Variants in MAP3K2 observed in about 807,000 individuals in gnomAD.
MAP3K2 encodes MAP/ERK kinase kinase 2.
MAP3K2 carries 24 observed loss-of-function variants against 80.3 expected under a neutral mutation model. That is an observed-to-expected ratio of 0.30 (90% CI 0.22 to 0.42). The LOEUF is 0.42. MAP3K2 is among the 10% of genes least tolerant of loss of function. MAP3K2 has a pLI of 1.00. For missense variants in MAP3K2, 608 were observed against 750.1 expected, an observed-to-expected ratio of 0.81 and a Z score of 2.21; for synonymous variants, 244 against 253.7, an observed-to-expected ratio of 0.96 and a Z score of 0.36.
chr2:127,387,422 A>ACACACACACC, intron 1 of MAP3K2, 30 bp downstream of exon 1: 1 of 940,796 alleles, frequency 1.1e-6, no homozygotes, highest in Non-Finnish European at 1.3e-6. Flanking sequence ...ACACACACAC[A>ACACACACACC]AGCGCGCGCG....
At chr2:127,388,078 G>A (rs1687411738), upstream of MAP3K2, 2 of 983,996 alleles carry the variant, frequency 2.0e-6, no homozygotes, top group African/African-American at 1.8e-5. Context: ...CGGCCCAGGG[G>A]AGTGGGTCGG....
chr2:127,332,154 G>C (rs1472329805), intron 5 of MAP3K2, among the ~76,000 whole-genome samples: 1 of 152,086 alleles, frequency 6.6e-6, no homozygotes, highest in Non-Finnish European at 1.5e-5. Context: ...CTGATCTACT[G>C]ATCTACTTAA....
rs188969496 is a variant in MAP3K2, at chr2:127,335,369, C to T, written c.264+501G>A. On this transcript the variant is annotated intron_variant, in intron 5 of 16. Transcript: ENST00000682094. Reference sequence around the variant, plus strand: ...ATCACTGAATCCAATCCTAAGTTTACAGAACATTAAAAAGGGGTTTCTCCA... The same window carrying T: ...ATCACTGAATCCAATCCTAAGTTTATAGAACATTAAAAAGGGGTTTCTCCA... 6.6e-5 allele frequency among the ~76,000 whole-genome samples: 10 copies of T among 152,236 alleles called. No homozygotes were observed. The East Asian group carries it at 1.3e-3, about 21-fold the overall frequency.
intron 1 of MAP3K2, among the ~76,000 whole-genome samples, chr2:127,346,410 T>TAAAAAAAAA (rs70985447): frequency 2.2e-4 from 21 of 96,312 alleles, no homozygotes; most frequent in Admixed American, 4.6e-4. Context: ...AAACTGGTTT[T>TAAAAAAAAA]AAAAAAAAAA....
rs557269738 is a variant in MAP3K2, at chr2:127,356,335, T to C, written c.-65-13141A>G. On this transcript the variant is annotated intron_variant, in intron 1 of 16. Transcript: ENST00000682094. ...GCAGCTATAGCCTTACAAAATGCAT[T>C]TCTTTTTCTTTTTTTAGTTTCGCAG... Among the ~76,000 whole-genome samples the C allele has an allele frequency of 7.1e-4, 108 of 152,260 alleles. No homozygotes were observed. In the South Asian group the frequency reaches 0.014, roughly 20 times the overall value.
At chr2:127,337,618 C>G in intron 4 of MAP3K2, 120 bp downstream of exon 4, 1 of 630,078 alleles carries the variant, frequency 1.6e-6, no homozygotes, top group South Asian at 2.0e-5. Context: ...AAGGACTACT[C>G]TATTCTCAAT....
At chr2:127,330,357 A>G (rs940779451) in intron 6 of MAP3K2, 35 bp downstream of exon 6, 4 of 1,067,514 alleles carry the variant, frequency 3.7e-6, no homozygotes, top group Non-Finnish European at 5.6e-6. Flanking sequence ...CCTAAGTCCT[A>G]TAATTCTTAC....
intron 1 of MAP3K2, among the ~76,000 whole-genome samples, chr2:127,366,400 A>C (rs1169732828): frequency 6.6e-6 from 1 of 151,038 alleles, no homozygotes; most frequent in African/African-American, 2.4e-5. Context: ...AAAAAAAAAA[A>C]CCCAACAAAA....
At chr2:127,333,360 C>T (rs1686299932) in intron 5 of MAP3K2, among the ~76,000 whole-genome samples, 1 of 151,908 alleles carries the variant, frequency 6.6e-6, no homozygotes, top group South Asian at 2.1e-4. Context: ...GCTTATATTT[C>T]CAGCTTAAAT....
intron 1 of MAP3K2, among the ~76,000 whole-genome samples, chr2:127,374,604 AAC>A (rs747449502): frequency 1.2e-4 from 18 of 152,382 alleles, no homozygotes; most frequent in South Asian, 2.1e-4. Flanking sequence ...AGTTTTGGCA[AAC>A]AGATGTTACA....
intron 1 of MAP3K2, among the ~76,000 whole-genome samples, chr2:127,366,877 T>TG (rs1262389471): frequency 2.1e-5 from 3 of 140,488 alleles, no homozygotes; most frequent in East Asian, 2.1e-4. Context: ...TTTTTTTTTT[T>TG]TTTTTTTTTT....
intron 1 of MAP3K2, among the ~76,000 whole-genome samples, chr2:127,349,311 T>A (rs750154626): frequency 2.0e-5 from 3 of 152,056 alleles, no homozygotes; most frequent in Non-Finnish European, 4.4e-5. Context: ...CAGGTACGCA[T>A]CATGCCTGGC....
At chr2:127,341,118 T>C (rs959797565) in intron 2 of MAP3K2, among the ~76,000 whole-genome samples, 3 of 151,642 alleles carry the variant, frequency 2.0e-5, no homozygotes, top group Admixed American at 6.6e-5. Context: ...GCCTCCCGAG[T>C]AGCTGGGACT....
intron 15 of MAP3K2, among the ~76,000 whole-genome samples, chr2:127,311,614 G>A (rs934142318): frequency 1.3e-5 from 2 of 152,006 alleles, no homozygotes; most frequent in African/African-American, 4.8e-5. Context: ...GGACAATCCT[G>A]CCCCAGCCAT....
In MAP3K2 at chr2:127,337,794, A is replaced by T. The variant is rs1686402049; in HGVS notation, c.124-16T>A. Reference sequence around the variant, plus strand: ...GGACATCATTCTGTAATGAAATGACAAATCAGTCTTTCAGAGATTAGACAG... The same window carrying T: ...GGACATCATTCTGTAATGAAATGACTAATCAGTCTTTCAGAGATTAGACAG... On this transcript the variant is annotated splice_polypyrimidine_tract_variant and intron_variant, in intron 3 of 16. Coordinates refer to ENST00000682094, the MANE Select transcript of MAP3K2 (RefSeq NM_001371910.2). The T allele has an allele frequency of 1.2e-5, 18 of 1,484,872 alleles. No homozygotes were observed. Among genetic ancestry groups the T allele is most frequent in the Non-Finnish European group, 1.6e-5 (18 of 1,092,988 alleles). The allele number at this position is 1,484,872 out of a possible 1,614,324, so 92.0% of individuals were successfully genotyped here. A position where few individuals can be genotyped will look rare whatever the true frequency, so the allele number is the denominator to read the frequency against.
At chr2:127,341,765 C>T (rs1241576870) in intron 2 of MAP3K2, among the ~76,000 whole-genome samples, 2 of 151,876 alleles carry the variant, frequency 1.3e-5, no homozygotes, top group Non-Finnish European at 2.9e-5. Flanking sequence ...ATCTCCTGAC[C>T]TCGTGATCCA....
chr2:127,336,358 G>A (rs1443861057), intron 4 of MAP3K2, among the ~76,000 whole-genome samples: 4 of 152,030 alleles, frequency 2.6e-5, no homozygotes, highest in Non-Finnish European at 5.9e-5. Context: ...TGTTCTCCAG[G>A]GATTCAAATT....
chr2:127,336,101 C>A, intron 4 of MAP3K2, 132 bp from the exon 5 acceptor site: 1 of 531,788 alleles, frequency 1.9e-6, no homozygotes, highest in Non-Finnish European at 3.4e-6. Context: ...CTTAACACTA[C>A]AACAGCACAT....
intron 1 of MAP3K2, among the ~76,000 whole-genome samples, chr2:127,370,581 A>C (rs1687045629): frequency 1.3e-5 from 2 of 152,224 alleles, no homozygotes; most frequent in African/African-American, 4.8e-5. Flanking sequence ...GCTTAAAGCT[A>C]GTGGAGCCTG....
Sources: allele counts gnomAD v4.1 joint callset (sites outside exome capture counted in the v4.1 genomes callset), GRCh38; gene constraint gnomAD v4.1.1; transcripts MANE v1.5; gene names NCBI Gene and HGNC (gene_info 2026-07-23, HGNC 2026-07-21).